CCDC141: variants seen among roughly 807,000 people sequenced by gnomAD.
CCDC141 encodes coiled-coil domain containing 141.
CCDC141 carries 168 observed loss-of-function variants against 181.0 expected under a neutral mutation model. That is an observed-to-expected ratio of 0.93 (90% CI 0.82 to 1.05). CCDC141 has a LOEUF of 1.05. Ranked by LOEUF, CCDC141 falls within the 50% of genes least tolerant of loss-of-function variation. The pLI, the probability that CCDC141 is intolerant of heterozygous loss-of-function variation, is 0.00. For missense variants in CCDC141, 1,902 were observed against 1,788.5 expected (o/e 1.06, Z -1.14); for synonymous variants, 666 against 642.3 (o/e 1.04, Z -0.56).
At chr2:178,907,819 C>G (rs995862962) in intron 7 of CCDC141, among the ~76,000 whole-genome samples, 1 of 151,910 alleles carries the variant, frequency 6.6e-6, no homozygotes, top group African/African-American at 2.4e-5. Flanking sequence ...CATGGTGAAG[C>G]CTCGTCTCTA....
At chr2:178,823,239 T>C in the CCDC141 span, among the ~76,000 whole-genome samples, 1 of 152,178 alleles carries the variant, frequency 6.6e-6, no homozygotes. Flanking sequence ...AATAGTTATA[T>C]AAGAATAAGC....
At chr2:178,842,027 T>C (rs1286312811) in intron 22 of CCDC141, among the ~76,000 whole-genome samples, 1 of 152,212 alleles carries the variant, frequency 6.6e-6, no homozygotes, top group Non-Finnish European at 1.5e-5. Flanking sequence ...ATATACTAAT[T>C]ATTTGTTAAT....
At chr2:178,958,864 GC>G (rs1247707902) in intron 5 of CCDC141, among the ~76,000 whole-genome samples, 2 of 150,600 alleles carry the variant, frequency 1.3e-5, no homozygotes, top group Non-Finnish European at 2.9e-5. Flanking sequence ...TGTTTGGGAA[GC>G]CTCTTTGATG....
intron 2 of CCDC141, among the ~76,000 whole-genome samples, chr2:179,040,563 T>G (rs1048488765): frequency 6.6e-6 from 1 of 152,130 alleles, no homozygotes; most frequent in Non-Finnish European, 1.5e-5. Context: ...GGCACCAGTG[T>G]GTGTTGTTCC....
chr2:178,911,938 T>C (rs968933292), intron 7 of CCDC141, among the ~76,000 whole-genome samples: 1 of 152,238 alleles, frequency 6.6e-6, no homozygotes, highest in Non-Finnish European at 1.5e-5. Flanking sequence ...TTTGTGTTCC[T>C]TGTATATTAA....
intron 21 of CCDC141, among the ~76,000 whole-genome samples, chr2:178,848,776 G>A (rs888942534): frequency 6.6e-6 from 1 of 152,104 alleles, no homozygotes; most frequent in Non-Finnish European, 1.5e-5. Flanking sequence ...CTCGGTGGTG[G>A]GGTGGAGGTG....
intron 10 of CCDC141, among the ~76,000 whole-genome samples, chr2:178,886,288 G>A (rs1686880320): frequency 6.6e-6 from 1 of 152,074 alleles, no homozygotes; most frequent in Non-Finnish European, 1.5e-5. Flanking sequence ...TGCTGTGGTG[G>A]GGGTGGGGCA....
intron 2 of CCDC141, among the ~76,000 whole-genome samples, chr2:178,983,650 G>A (rs200374796): frequency 0.047 from 6,929 of 148,770 alleles, 206 homozygotes; most frequent in South Asian, 0.075. Context: ...ACCAAGGCTC[G>A]AGAACTACGT....
chr2:178,929,232 T>C (rs1171026852), intron 6 of CCDC141, among the ~76,000 whole-genome samples: 3 of 152,220 alleles, frequency 2.0e-5, no homozygotes, highest in Admixed American at 6.5e-5. Context: ...TGTGAGCTGA[T>C]TTACTGAAGC....
At chr2:179,003,772 A>G (rs935836067) in intron 2 of CCDC141, among the ~76,000 whole-genome samples, 9 of 152,198 alleles carry the variant, frequency 5.9e-5, no homozygotes, top group Non-Finnish European at 1.2e-4. Flanking sequence ...GAAATGATGA[A>G]AGTTCAAAAC....
chr2:178,989,169 A>G (rs1691906463), intron 2 of CCDC141, among the ~76,000 whole-genome samples: 1 of 152,208 alleles, frequency 6.6e-6, no homozygotes, highest in Non-Finnish European at 1.5e-5. Context: ...CATCAAAATT[A>G]AGACTTTTGT....
At chr2:178,920,440 T>A (rs1688634186) in intron 6 of CCDC141, among the ~76,000 whole-genome samples, 1 of 152,050 alleles carries the variant, frequency 6.6e-6, no homozygotes. Flanking sequence ...AAGAATAAAA[T>A]GGCTTGTGTG....
intron 18 of CCDC141, among the ~76,000 whole-genome samples, chr2:178,855,903 G>C (rs1685364088): frequency 6.6e-6 from 1 of 152,228 alleles, no homozygotes; most frequent in Non-Finnish European, 1.5e-5. Context: ...AAGAATAAGA[G>C]GCTATAGGAG....
At chr2:178,976,190 G>A (rs1300350284) in intron 3 of CCDC141, among the ~76,000 whole-genome samples, 1 of 152,068 alleles carries the variant, frequency 6.6e-6, no homozygotes, top group Non-Finnish European at 1.5e-5. Flanking sequence ...GCTTGTTTTA[G>A]CACTAAGATT....
Position 179,015,065 on chromosome 2 carries a change from GAGATATATATAT to G in CCDC141, c.225+32207_225+32218del, listed in dbSNP as rs1271554496. Among the ~76,000 whole-genome samples, 8 of 10,976 alleles carry G rather than the reference GAGATATATATAT, an allele frequency of 7.3e-4. 1 individual carries two copies. Among genetic ancestry groups the G allele is most frequent in the Non-Finnish European group, 1.3e-3 (6 of 4,766 alleles). The allele number at this position is 10,976 out of a possible 152,430, so 7.2% of individuals were successfully genotyped here. ...GAGTGGATAAACTGTGAGAGAGACA[GAGATATATATAT>G]ATATATATATATATATATATATATA... On this transcript the variant is annotated intron_variant, in intron 2 of 23. Coordinates refer to ENST00000443758, the MANE Select transcript of CCDC141 (RefSeq NM_173648.4).
At chr2:178,906,045 C>T (rs6752223) in intron 7 of CCDC141, among the ~76,000 whole-genome samples, 42,206 of 152,108 alleles carry the variant, frequency 0.28, 7,616 homozygotes, top group Non-Finnish European at 0.41. Context: ...CCATCCAAGG[C>T]ATCCATCTGT....
In CCDC141 at chr2:179,019,194, C is replaced by G. The variant is rs577209676; in HGVS notation, c.225+28090G>C. ...AGTCTTTTTGGTTCCCAACATTTATCCAAATCCAAATACTTAATATATTTC... is the reference window on the plus strand; with the variant it reads ...AGTCTTTTTGGTTCCCAACATTTATGCAAATCCAAATACTTAATATATTTC... On this transcript the variant is annotated intron_variant, in intron 2 of 23. Transcript: ENST00000443758. Among the ~76,000 whole-genome samples, 19 of 152,252 alleles carry G rather than the reference C, an allele frequency of 1.2e-4. No individual in the cohort carries two copies. The South Asian group carries it at 4.0e-3, about 32-fold the overall frequency.
At chr2:179,028,658 C>T (rs1254825671) in intron 2 of CCDC141, among the ~76,000 whole-genome samples, 1 of 151,998 alleles carries the variant, frequency 6.6e-6, no homozygotes, top group Non-Finnish European at 1.5e-5. Context: ...TCAACTTTTC[C>T]CTCACTATCT....
intron 7 of CCDC141, among the ~76,000 whole-genome samples, chr2:178,918,256 AAAG>A (rs1688538063): frequency 1.3e-5 from 2 of 152,066 alleles, no homozygotes; most frequent in South Asian, 2.1e-4. Flanking sequence ...CCAAAAAAAA[AAAG>A]TAGTCAAGCA....
Sources: allele counts gnomAD v4.1 joint callset (sites outside exome capture counted in the v4.1 genomes callset), GRCh38; gene constraint gnomAD v4.1.1; transcripts MANE v1.5; gene names NCBI Gene and HGNC (gene_info 2026-07-23, HGNC 2026-07-21).